FBXW11: variants seen among roughly 807,000 people sequenced by gnomAD.
FBXW11 encodes F-box and WD repeat domain containing 11, also known as F-box/WD repeat-containing protein 11.
FBXW11 carries 19 observed loss-of-function variants against 77.6 expected under a neutral mutation model. The observed-to-expected ratio is 0.24, with a 90% CI of 0.17 to 0.36. The LOEUF is 0.36. Ranked by LOEUF, FBXW11 falls within the 10% of genes least tolerant of loss-of-function variation. The pLI, the probability that FBXW11 is intolerant of heterozygous loss-of-function variation, is 1.00. For synonymous variants in FBXW11, 235 were observed against 249.4 expected (o/e 0.94, Z 0.54); for missense variants, 334 against 704.2 (o/e 0.47, Z 5.95).
chr5:171,940,206 A>G (rs1352600237), intron 2 of FBXW11, among the ~76,000 whole-genome samples: 2 of 152,206 alleles, frequency 1.3e-5, no homozygotes, highest in African/African-American at 4.8e-5. Context: ...CAGGTTTCTC[A>G]CTGTTAGAGA....
At chr5:171,999,542 G>A (rs1486050979) in intron 1 of FBXW11, among the ~76,000 whole-genome samples, 1 of 152,056 alleles carries the variant, frequency 6.6e-6, no homozygotes, top group Non-Finnish European at 1.5e-5. Context: ...TCAGGACTGA[G>A]TTCTTCCTGC....
intron 13 of FBXW11, 82 bp downstream of exon 13, chr5:171,868,528 C>G: frequency 8.2e-7 from 1 of 1,220,342 alleles, no homozygotes; most frequent in South Asian, 1.5e-5. Flanking sequence ...CACACATCAC[C>G]AAGGAACCCA....
intron 2 of FBXW11, among the ~76,000 whole-genome samples, chr5:171,918,723 A>G (rs1435802659): frequency 2.0e-5 from 3 of 152,142 alleles, no homozygotes; most frequent in African/African-American, 7.2e-5. Flanking sequence ...TTTTAGTACT[A>G]TTACCATTTT....
At chr5:171,928,366 C>A (rs1047146647) in intron 2 of FBXW11, among the ~76,000 whole-genome samples, 4 of 152,186 alleles carry the variant, frequency 2.6e-5, no homozygotes, top group African/African-American at 9.7e-5. Flanking sequence ...AAAAACCCAA[C>A]GATGTTTTTT....
chr5:171,879,510 G>T lies in FBXW11; in HGVS notation c.853-1381C>A, dbSNP rs839303. 5.6e-3 allele frequency among the ~76,000 whole-genome samples: 853 copies of T among 152,324 alleles called. 7 individuals are homozygous for T. Among genetic ancestry groups the T allele is most frequent in the African/African-American group, 0.02 (821 of 41,560 alleles). On this transcript the variant is annotated intron_variant, in intron 7 of 13. Coordinates refer to ENST00000517395, the MANE Select transcript of FBXW11 (RefSeq NM_001378974.1). ...GGTAAAAGTATGTTTAGTTTCGTAA[G>T]AATGCCAAACTGCCTTCTGAAGTGG...
At chr5:171,890,314 GGAGC>G (rs1759254538) in intron 7 of FBXW11, among the ~76,000 whole-genome samples, 1 of 151,850 alleles carries the variant, frequency 6.6e-6, no homozygotes, top group East Asian at 1.9e-4. Flanking sequence ...CTTGAGGTCA[GGAGC>G]TCAAGACCAG....
intron 4 of FBXW11, among the ~76,000 whole-genome samples, chr5:171,903,349 T>C (rs192012392): frequency 6.6e-6 from 1 of 152,262 alleles, no homozygotes; most frequent in Non-Finnish European, 1.5e-5. Flanking sequence ...TCCTCCTGCC[T>C]TGGTCTTGAA....
At chr5:171,927,798 T>C (rs1761969154) in intron 2 of FBXW11, among the ~76,000 whole-genome samples, 1 of 152,240 alleles carries the variant, frequency 6.6e-6, no homozygotes, top group African/African-American at 2.4e-5. Context: ...GTAATGAACC[T>C]TCATGCCTAC....
At chr5:171,958,961 T>G (rs1763757917) in intron 1 of FBXW11, among the ~76,000 whole-genome samples, 1 of 151,820 alleles carries the variant, frequency 6.6e-6, no homozygotes, top group South Asian at 2.1e-4. Flanking sequence ...CTCAAAAGTG[T>G]TCTGGTTTAG....
At chr5:171,924,534 G>A (rs957853016) in intron 2 of FBXW11, among the ~76,000 whole-genome samples, 6 of 152,000 alleles carry the variant, frequency 3.9e-5, no homozygotes, top group East Asian at 3.9e-4. Context: ...CTCACCCTCT[G>A]GTTGTGAGCA....
chr5:171,875,986 AATGT>A (rs1758055836), intron 9 of FBXW11, among the ~76,000 whole-genome samples: 1 of 152,156 alleles, frequency 6.6e-6, no homozygotes, highest in African/African-American at 2.4e-5. Context: ...CTGAGACCAT[AATGT>A]AAAGCTCCCA....
intron 2 of FBXW11, among the ~76,000 whole-genome samples, chr5:171,953,088 G>A (rs1312090719): frequency 6.6e-6 from 1 of 152,060 alleles, no homozygotes; most frequent in Non-Finnish European, 1.5e-5. Context: ...CCCAACCTCA[G>A]CTCCCAGAGT....
intron 2 of FBXW11, among the ~76,000 whole-genome samples, chr5:171,956,947 C>G (rs1763644539): frequency 1.3e-5 from 2 of 152,316 alleles, no homozygotes; most frequent in South Asian, 4.2e-4. Context: ...CAGTTCTATC[C>G]TGAGCAACCC....
chr5:171,963,100 C>G (rs1763992978), intron 1 of FBXW11, among the ~76,000 whole-genome samples: 1 of 152,124 alleles, frequency 6.6e-6, no homozygotes, highest in African/African-American at 2.4e-5. Flanking sequence ...TTATATCTAT[C>G]TGCACATAGT....
At chr5:171,908,268 T>G (rs188328345) in intron 4 of FBXW11, among the ~76,000 whole-genome samples, 30 of 152,228 alleles carry the variant, frequency 2.0e-4, no homozygotes, top group Non-Finnish European at 2.5e-4. Context: ...TGTCTCCATC[T>G]CCCCCTCCCT....
At chr5:171,996,663 T>C (rs1766070089) in intron 1 of FBXW11, among the ~76,000 whole-genome samples, 1 of 152,134 alleles carries the variant, frequency 6.6e-6, no homozygotes, top group Non-Finnish European at 1.5e-5. Context: ...TCAAAGATAA[T>C]AATAACTGCA....
chr5:172,006,471 G>A lies in FBXW11; in HGVS notation c.32C>T (p.Thr11Ile), dbSNP rs778759313. MEPDSVIEDK[T>I]IELMCSVPRS... ...GGCCGCACTCACCATGAGCTCGATGGTCTTGTCCTCAATCACCGAGTCGGG... is the reference window on the plus strand; with the variant it reads ...GGCCGCACTCACCATGAGCTCGATGATCTTGTCCTCAATCACCGAGTCGGG... Residue 11 changes from threonine to isoleucine, a missense_variant, in exon 1 of 14, where the codon ACC (threonine) becomes ATC (isoleucine). This residue lies in a region of FBXW11 where 80 missense variants were observed against 105.1 expected (regional missense o/e 0.76). Coordinates refer to ENST00000517395, the MANE Select transcript of FBXW11 (RefSeq NM_001378974.1). The A allele has an allele frequency of 3.9e-6, 6 of 1,558,374 alleles. No homozygotes were observed. Among genetic ancestry groups the A allele is most frequent in the Non-Finnish European group, 5.2e-6 (6 of 1,154,960 alleles).
intron 7 of FBXW11, among the ~76,000 whole-genome samples, chr5:171,880,896 A>C (rs768785246): frequency 6.6e-6 from 1 of 152,228 alleles, no homozygotes; most frequent in Non-Finnish European, 1.5e-5. Flanking sequence ...GAGTTTCACC[A>C]TGTTGGCCAG....
intron 1 of FBXW11, among the ~76,000 whole-genome samples, chr5:171,988,544 T>C (rs911275537): frequency 6.6e-6 from 1 of 151,846 alleles, no homozygotes; most frequent in Non-Finnish European, 1.5e-5. Flanking sequence ...CCTGTGGGAG[T>C]GGCAATTTAA....
Sources: allele counts gnomAD v4.1 joint callset (sites outside exome capture counted in the v4.1 genomes callset), GRCh38; gene constraint gnomAD v4.1.1; regional missense constraint gnomAD v4.1.1; transcripts MANE v1.5; gene names NCBI Gene and HGNC (gene_info 2026-07-23, HGNC 2026-07-21).